Variants in SPEN observed in about 807,000 individuals in gnomAD.
The protein encoded by SPEN is spen family transcriptional repressor.
SPEN carries 18 observed loss-of-function variants against 269.9 expected under a neutral mutation model. The observed-to-expected ratio is 0.07, with a 90% CI of 0.05 to 0.10. The LOEUF is 0.10. Ranked by LOEUF, SPEN falls within the 10% of genes least tolerant of loss-of-function variation. The pLI is 1.00. For synonymous variants in SPEN, 1,726 were observed against 1,765.7 expected, an observed-to-expected ratio of 0.98 and a Z score of 0.56; for missense variants, 3,822 against 4,631.2, an observed-to-expected ratio of 0.83 and a Z score of 5.07.
At position 15,932,775 on chromosome 1, in the gene SPEN, G is replaced by T. The variant is rs774668447; in HGVS notation, c.6535G>T (p.Ala2179Ser). Residue 2179 changes from alanine to serine, a missense_variant, in exon 11 of 15, where the codon GCA (alanine) becomes TCA (serine). Around this residue, in one of 16 missense-constraint regions of SPEN, gnomAD observed 727 missense variants for 737.9 expected, o/e 0.99. Coordinates refer to ENST00000375759, the MANE Select transcript of SPEN (RefSeq NM_015001.3). This position sits in a 1 kb window ranked among gnomAD's most constrained non-coding sequence, Gnocchi z 4.2. Reference sequence around the variant, plus strand: ...GCTGGAGCAGGCCGTGGAACACATCGCAAAGCTCGCTGAGGCCTCTGCCTC... The same window carrying T: ...GCTGGAGCAGGCCGTGGAACACATCTCAAAGCTCGCTGAGGCCTCTGCCTC... The part of the protein sequence containing the change: ...MELEQAVEHI[A>S]KLAEASASAA... 26 of 1,614,176 alleles carry T rather than the reference G, an allele frequency of 1.6e-5. No individual in the cohort carries two copies. In the South Asian group the frequency reaches 2.7e-4, roughly 17 times the overall value.
Position 15,847,887 on chromosome 1 carries a change from G to A in SPEN, c.-181G>A, listed in dbSNP as rs1384755474. The A allele has an allele frequency of 3.4e-6, 1 of 292,466 alleles. No individual in the cohort carries two copies. Among genetic ancestry groups the A allele is most frequent in the East Asian group, 5.6e-5 (1 of 17,978 alleles). The allele number at this position is 292,466 out of a possible 1,614,324, so 18.1% of individuals were successfully genotyped here. A position where few individuals can be genotyped will look rare whatever the true frequency, so the allele number is the denominator to read the frequency against. ...GCTGAGCTGCGAGGCCCGAGAGTCA[G>A]AACCTGGGGGAGAGGGATGGTCTCT... On this transcript the variant is annotated 5_prime_UTR_variant, in exon 1 of 15. Transcript: ENST00000375759.
In SPEN at chr1:15,928,493, T is replaced by C. The variant is rs757175337; in HGVS notation, c.2253T>C (p.Ser751=). 1 of 1,614,150 alleles carries C rather than the reference T, an allele frequency of 6.2e-7. No individual in the cohort carries two copies. Among genetic ancestry groups the C allele is most frequent in the Non-Finnish European group, 8.5e-7 (1 of 1,180,026 alleles). Residue 751 remains serine (S), a synonymous_variant, in exon 11 of 15, where the codon TCT becomes TCC. Coordinates refer to ENST00000375759, the MANE Select transcript of SPEN (RefSeq NM_015001.3). The surrounding 1 kb of genome is among the most constrained non-coding windows in gnomAD (Gnocchi z 5.7). ...PSQAERLPSD[S]ERRLYSRSSD... ...AGGCAGAGAGGTTGCCGAGTGATTC[T>C]GAGAGGAGGCTTTACAGCCGATCCT...
Position 15,932,123 on chromosome 1 carries a change from T to A in SPEN, c.5883T>A (p.Asp1961Glu), listed in dbSNP as rs1367417046. 6.2e-7 allele frequency: 1 copy of A among 1,613,572 alleles called. No homozygotes were observed. Among genetic ancestry groups the A allele is most frequent in the African/African-American group, 1.3e-5 (1 of 74,836 alleles). ...GRPPKTRRRA[D>E]EEEENEAKEP... ...CTCCAAAGACACGCCGGCGAGCCGA[T>A]GAAGAGGAGGAGAACGAGGCCAAGG... The change falls in exon 11 of 15, where the codon GAT becomes GAA. Residue 1961 changes from aspartate to glutamate, a missense_variant. Around this residue, in one of 16 missense-constraint regions of SPEN, gnomAD observed 533 missense variants for 618.8 expected, o/e 0.86. Transcript: ENST00000375759. This position sits in a 1 kb window ranked among gnomAD's most constrained non-coding sequence, Gnocchi z 4.2.
chr1:15,857,686 A>G (rs796653113), intron 1 of SPEN, among the ~76,000 whole-genome samples: 4 of 43,546 alleles, frequency 9.2e-5, no homozygotes, highest in African/African-American at 2.6e-4. Flanking sequence ...TCATAAAAAA[A>G]TTGTTTTTTT....
intron 10 of SPEN, among the ~76,000 whole-genome samples, chr1:15,927,727 T>A (rs1046387558): frequency 1.3e-5 from 2 of 152,258 alleles, no homozygotes; most frequent in African/African-American, 4.8e-5. Context: ...TAATGTAAGT[T>A]ATATAAATTC....
intron 1 of SPEN, among the ~76,000 whole-genome samples, chr1:15,857,354 TG>T (rs2070397494): frequency 6.7e-6 from 1 of 148,206 alleles, no homozygotes; most frequent in Non-Finnish European, 1.5e-5. Context: ...TGTGAGCCAC[TG>T]CACCCAGCCT....
intron 3 of SPEN, among the ~76,000 whole-genome samples, chr1:15,897,380 G>A (rs1334284335): frequency 1.4e-5 from 2 of 140,792 alleles, no homozygotes; most frequent in Non-Finnish European, 3.1e-5. Flanking sequence ...TTTTTTTTTT[G>A]AGACGGAGTT....
chr1:15,911,345 C>A (rs751730146), intron 5 of SPEN, 44 bp downstream of exon 5: 2 of 1,519,836 alleles, frequency 1.3e-6, no homozygotes, highest in Admixed American at 1.7e-5. Context: ...ATCACACACA[C>A]TGTTTGTGTT....
intron 10 of SPEN, among the ~76,000 whole-genome samples, chr1:15,925,145 CT>C (rs1037331000): frequency 2.6e-5 from 4 of 152,142 alleles, no homozygotes; most frequent in Non-Finnish European, 5.9e-5. Context: ...TCAGGTAACC[CT>C]TTTTATGGAA....
intron 3 of SPEN, among the ~76,000 whole-genome samples, chr1:15,886,086 T>A (rs932209804): frequency 2.6e-5 from 4 of 152,228 alleles, no homozygotes; most frequent in African/African-American, 9.6e-5. Flanking sequence ...GATTTCCTTT[T>A]TTGGTCAAAT....
Position 15,881,367 on chromosome 1 carries a change from T to A in SPEN, c.881+4689T>A, listed in dbSNP as rs16852063. On this transcript the variant is annotated intron_variant, in intron 3 of 14. Transcript: ENST00000375759. ...CTTTAGAAAGGCAACTGGTGACTTA[T>A]CCATAATCTCTGTTTTTCCTACTCT... Among the ~76,000 whole-genome samples, 5 of 152,158 alleles carry A rather than the reference T, an allele frequency of 3.3e-5. No individual in the cohort carries two copies. The East Asian group carries it at 9.6e-4, about 29-fold the overall frequency.
Position 15,909,498 on chromosome 1 carries a change from A to C in SPEN, c.1042+17A>C. On this transcript the variant is annotated intron_variant, in intron 4 of 14. Coordinates refer to ENST00000375759, the MANE Select transcript of SPEN (RefSeq NM_015001.3). The stretch of plus-strand genomic sequence containing the variant: ...GCTCTACAGGTAAAATTTTGTGTGA[A>C]TGTCCTTTCCTCTGTGCTACTACTG... The C allele has an allele frequency of 6.2e-7, 1 of 1,612,470 alleles. No homozygotes were observed. The highest frequency in any genetic ancestry group is 8.5e-7 in the Non-Finnish European group (1 of 1,178,918).
intron 1 of SPEN, among the ~76,000 whole-genome samples, chr1:15,870,895 T>A (rs1001524035): frequency 6.6e-6 from 1 of 152,216 alleles, no homozygotes; most frequent in Non-Finnish European, 1.5e-5. Flanking sequence ...TCTTTTCACA[T>A]ACCAACGAAC....
intron 3 of SPEN, among the ~76,000 whole-genome samples, chr1:15,877,805 C>T (rs921818321): frequency 3.0e-5 from 4 of 133,304 alleles, no homozygotes; most frequent in South Asian, 2.3e-4. Flanking sequence ...AGTGCAATGG[C>T]GTGATCTTGG....
At chr1:15,865,820 A>T (rs1019813970) in intron 1 of SPEN, among the ~76,000 whole-genome samples, 1 of 148,060 alleles carries the variant, frequency 6.8e-6, no homozygotes, top group African/African-American at 2.5e-5. Flanking sequence ...TGTTGCAAGT[A>T]TTTTTTTTCT....
Position 15,933,517 on chromosome 1 carries a change from C to T in SPEN, c.7277C>T (p.Ser2426Phe), listed in dbSNP as rs148508636. The change falls in exon 11 of 15, where the codon TCT becomes TTT. Residue 2426 changes from serine (S) to phenylalanine (F), a missense_variant. Physicochemically the swap from Ser to Phe is radical, Grantham distance 155. Coordinates refer to ENST00000375759, the MANE Select transcript of SPEN (RefSeq NM_015001.3). The surrounding 1 kb of genome is among the most constrained non-coding windows in gnomAD (Gnocchi z 5.7). ...GAGGAAAGGACTCCAACCAAAGCAT[C>T]TGTGCCCCCAGACCTTCCCCCACCT... is the stretch of plus-strand genomic sequence containing the variant. Reference protein sequence around the residue: ...SVEERTPTKASVPPDLPPPPQ... With the variant: ...SVEERTPTKAFVPPDLPPPPQ... 1.6e-4 allele frequency: 262 copies of T among 1,613,976 alleles called. No individual in the cohort carries two copies. In the African/African-American group the frequency reaches 3.2e-3, roughly 20 times the overall value.
Position 15,909,332 on chromosome 1 carries a change from G to T in SPEN, c.893G>T (p.Ser298Ile). 1 of 1,610,626 alleles carries T rather than the reference G, an allele frequency of 6.2e-7. No homozygotes were observed. Among genetic ancestry groups the T allele is most frequent in the Non-Finnish European group, 8.5e-7 (1 of 1,178,918 alleles). The change falls in exon 4 of 15, where the codon AGC becomes ATC. Residue 298 changes from serine to isoleucine, a missense_variant. Physicochemically the swap from Ser to Ile is moderately radical, Grantham distance 142. This residue lies in a region of SPEN where 327 missense variants were observed against 350.8 expected (regional missense o/e 0.93). Transcript: ENST00000375759. ...SSTSSDSSDSSSSSSDDSPAR... is the reference protein window; with the variant it reads ...SSTSSDSSDSISSSSDDSPAR... ...TTGCCTTTTTGCAGCAGTGATTCCA[G>T]CAGTAGTTCAAGTGATGATTCTCCA...
At chr1:15,858,800 C>T (rs145798593) in intron 1 of SPEN, among the ~76,000 whole-genome samples, 1 of 151,954 alleles carries the variant, frequency 6.6e-6, no homozygotes, top group Non-Finnish European at 1.5e-5. Context: ...AAAAAAAACC[C>T]GGGCACGATG....
At position 15,939,624 on chromosome 1, in the gene SPEN, C is replaced by T; in HGVS notation, c.*197C>T. On this transcript the variant is annotated 3_prime_UTR_variant, in exon 15 of 15. Transcript: ENST00000375759. The surrounding 1 kb of genome is among the most constrained non-coding windows in gnomAD (Gnocchi z 4.1). ...GTGGTGCTGCTACCTTGTATGTTTA[C>T]ATAATGCTTTAGCCCAAGGACACAT... The T allele has an allele frequency of 1.8e-6, 1 of 544,002 alleles. No homozygotes were observed. The allele number at this position is 544,002 out of a possible 1,614,324, so 33.7% of individuals were successfully genotyped here. A position where few individuals can be genotyped will look rare whatever the true frequency, so the allele number is the denominator to read the frequency against.
Sources: allele counts gnomAD v4.1 joint callset (sites outside exome capture counted in the v4.1 genomes callset), GRCh38; gene constraint gnomAD v4.1.1; regional missense constraint gnomAD v4.1.1; non-coding constraint Gnocchi (gnomAD v3.1); transcripts MANE v1.5; gene names NCBI Gene and HGNC (gene_info 2026-07-23, HGNC 2026-07-21).